The following ATG10 variants were observed in gnomAD, a reference collection of about 807,000 sequenced individuals.
The protein encoded by ATG10 is ubiquitin-like-conjugating enzyme ATG10.
A neutral mutation model predicts 32.1 loss-of-function variants in ATG10; 30 were observed. That is an observed-to-expected ratio of 0.94 (90% confidence interval 0.70 to 1.27). The LOEUF (loss-of-function observed/expected upper bound fraction) is 1.27. Ranked by LOEUF, ATG10 falls within the 50% of genes most tolerant of loss-of-function variation. The pLI, the probability that ATG10 is intolerant of heterozygous loss-of-function variation, is 0.00. For synonymous variants in ATG10, 87 were observed against 91.5 expected (o/e 0.95, Z 0.28); for missense variants, 233 against 262.3 (o/e 0.89, Z 0.77).
intron 5 of ATG10, among the ~76,000 whole-genome samples, chr5:82,222,304 T>C (rs1745960882): frequency 6.6e-6 from 1 of 152,244 alleles, no homozygotes; most frequent in Non-Finnish European, 1.5e-5. Flanking sequence ...TCCAAATTAG[T>C]TGTGAATACT....
intron 5 of ATG10, among the ~76,000 whole-genome samples, chr5:82,225,509 C>T (rs1173949538): frequency 6.6e-6 from 1 of 152,226 alleles, no homozygotes; most frequent in Non-Finnish European, 1.5e-5. Flanking sequence ...GCTTTCCAAG[C>T]AGATTCCAAG....
intron 2 of ATG10, among the ~76,000 whole-genome samples, chr5:82,018,619 T>G (rs1444624479): frequency 6.6e-6 from 1 of 152,220 alleles, no homozygotes; most frequent in Non-Finnish European, 1.5e-5. Flanking sequence ...CTGACCTTGC[T>G]GTTCTTTAAA....
chr5:82,028,453 G>A (rs1762653867), intron 2 of ATG10, among the ~76,000 whole-genome samples: 1 of 152,094 alleles, frequency 6.6e-6, no homozygotes, highest in Admixed American at 6.6e-5. Context: ...TGCAAAAAAA[G>A]GCATAATGGC....
At chr5:82,074,195 G>A (rs1299359277) in intron 3 of ATG10, among the ~76,000 whole-genome samples, 2 of 152,046 alleles carry the variant, frequency 1.3e-5, no homozygotes, top group East Asian at 1.9e-4. Context: ...AAATGAACAC[G>A]AAGACAACTA....
At chr5:82,158,349 C>T (rs1581753239) in intron 3 of ATG10, among the ~76,000 whole-genome samples, 1 of 133,618 alleles carries the variant, frequency 7.5e-6, no homozygotes, top group East Asian at 2.0e-4. Context: ...AATACAGCTG[C>T]CCCCCCGCCC....
intron 1 of ATG10, among the ~76,000 whole-genome samples, chr5:81,986,271 T>C (rs1761267548): frequency 6.6e-6 from 1 of 152,202 alleles, no homozygotes; most frequent in African/African-American, 2.4e-5. Flanking sequence ...GAATAAGGTT[T>C]GTGAACACAC....
At chr5:82,173,255 T>C (rs750230440) in intron 4 of ATG10, among the ~76,000 whole-genome samples, 1 of 152,192 alleles carries the variant, frequency 6.6e-6, no homozygotes, top group East Asian at 1.9e-4. Flanking sequence ...TATCTCATGC[T>C]GTTATTGGCT....
intron 3 of ATG10, among the ~76,000 whole-genome samples, chr5:82,062,163 A>G (rs1341560352): frequency 6.6e-6 from 1 of 152,106 alleles, no homozygotes; most frequent in African/African-American, 2.4e-5. Context: ...CTACTAGAAT[A>G]ACATATTTTT....
intron 2 of ATG10, among the ~76,000 whole-genome samples, chr5:82,045,406 G>A (rs1309912293): frequency 1.3e-5 from 2 of 152,116 alleles, no homozygotes; most frequent in African/African-American, 4.8e-5. Context: ...ACAGCAGTGG[G>A]AGAACATGAT....
intron 3 of ATG10, among the ~76,000 whole-genome samples, chr5:82,107,701 T>A (rs1382396059): frequency 6.6e-6 from 1 of 152,078 alleles, no homozygotes; most frequent in African/African-American, 2.4e-5. Context: ...TTATAAGACT[T>A]GATGCGTGAT....
chr5:82,140,666 G>C (rs1243634116), intron 3 of ATG10, among the ~76,000 whole-genome samples: 1 of 46,744 alleles, frequency 2.1e-5, no homozygotes, highest in Non-Finnish European at 4.7e-5. Context: ...CTGCCCGGCC[G>C]CCCCTACTGG....
chr5:82,192,085 A>G (rs547366267), intron 5 of ATG10, among the ~76,000 whole-genome samples: 19 of 152,274 alleles, frequency 1.2e-4, no homozygotes, highest in Admixed American at 2.0e-4. Flanking sequence ...TCTGGCATGG[A>G]GGTTGTCTAC....
At chr5:82,129,088 C>A (rs1249007775) in intron 3 of ATG10, among the ~76,000 whole-genome samples, 2 of 151,536 alleles carry the variant, frequency 1.3e-5, no homozygotes, top group Non-Finnish European at 2.9e-5. Flanking sequence ...GCTTTATTTC[C>A]TTAAGTTGAT....
rs543515457 is a variant in ATG10, at chr5:82,230,461, C to T, written c.454-22101C>T. On this transcript the variant is annotated intron_variant, in intron 5 of 7. Transcript: ENST00000282185. ...TATAATAGTATAAACTGGCTGGGCA[C>T]GGTGGCTCACGCCTGTAATCCCAGC... Among the ~76,000 whole-genome samples, 26 of 152,048 alleles carry T rather than the reference C, an allele frequency of 1.7e-4. No individual in the cohort carries two copies. The East Asian group carries it at 2.1e-3, about 12-fold the overall frequency.
chr5:82,110,821 A>T (rs1480909151), intron 3 of ATG10, among the ~76,000 whole-genome samples: 1 of 152,094 alleles, frequency 6.6e-6, no homozygotes, highest in Middle Eastern at 3.4e-3. Context: ...CCCATTTGTC[A>T]ATTTTGTATG....
chr5:82,167,448 AAAG>A (rs939728286), intron 4 of ATG10, among the ~76,000 whole-genome samples: 1 of 152,204 alleles, frequency 6.6e-6, no homozygotes, highest in African/African-American at 2.4e-5. Flanking sequence ...GTGAAACGAT[AAAG>A]AAGAATTTCT....
At chr5:82,002,900 A>G (rs191947515) in intron 2 of ATG10, among the ~76,000 whole-genome samples, 6 of 152,350 alleles carry the variant, frequency 3.9e-5, no homozygotes, top group Middle Eastern at 3.4e-3. Context: ...CAGTTTACCT[A>G]TACAACAAAC....
chr5:82,161,696 A>AACACACACCCACAC (rs1554053990), intron 3 of ATG10, among the ~76,000 whole-genome samples: 2 of 129,726 alleles, frequency 1.5e-5, no homozygotes, highest in African/African-American at 6.1e-5. Context: ...TTAGAGAATA[A>AACACACACCCACAC]ACACACACAC....
chr5:82,228,586 A>G (rs915927688), intron 5 of ATG10, among the ~76,000 whole-genome samples: 1 of 152,190 alleles, frequency 6.6e-6, no homozygotes, highest in Non-Finnish European at 1.5e-5. Flanking sequence ...ATTGTATTGC[A>G]TATATTTTTT....
Sources: allele counts gnomAD v4.1 joint callset (sites outside exome capture counted in the v4.1 genomes callset), GRCh38; gene constraint gnomAD v4.1.1; transcripts MANE v1.5; gene names NCBI Gene and HGNC (gene_info 2026-07-23, HGNC 2026-07-21).